Variants in DLG2 observed in about 807,000 individuals in gnomAD.
The protein encoded by DLG2 is discs large MAGUK scaffold protein 2.
DLG2 carries 45 observed loss-of-function variants against 132.5 expected under a neutral mutation model. That is an observed-to-expected ratio of 0.34 (90% CI 0.27 to 0.44). The LOEUF is 0.44. Ranked by LOEUF, DLG2 falls within the 20% of genes least tolerant of loss-of-function variation. The pLI is 1.00. For synonymous variants in DLG2, 424 were observed against 419.6 expected, an observed-to-expected ratio of 1.01 and a Z score of -0.13; for missense variants, 1,045 against 1,196.9, an observed-to-expected ratio of 0.87 and a Z score of 1.87.
chr11:84,169,146 G>A (rs1031227074), intron 8 of DLG2, among the ~76,000 whole-genome samples: 3 of 151,968 alleles, frequency 2.0e-5, no homozygotes, highest in African/African-American at 4.8e-5. Flanking sequence ...GTTCTTCCTC[G>A]TATGGTTATT....
chr11:84,051,035 G>A (rs12575693), intron 11 of DLG2, among the ~76,000 whole-genome samples: 15,793 of 151,690 alleles, frequency 0.1, 1,066 homozygotes, highest in African/African-American at 0.19. Flanking sequence ...GCTCATCATC[G>A]CTGGCCATCA....
intron 6 of DLG2, among the ~76,000 whole-genome samples, chr11:84,946,891 G>A (rs1364588215): frequency 1.3e-5 from 2 of 152,158 alleles, no homozygotes; most frequent in African/African-American, 4.8e-5. Flanking sequence ...CTCAGGTTCT[G>A]GCTGCTGAGA....
intron 19 of DLG2, among the ~76,000 whole-genome samples, chr11:83,560,396 G>A (rs1565805113): frequency 6.6e-6 from 1 of 152,170 alleles, no homozygotes; most frequent in Non-Finnish European, 1.5e-5. Context: ...GGGATTATAG[G>A]TGTGAGCCAC....
At chr11:84,741,220 C>T (rs1237368268) in intron 6 of DLG2, among the ~76,000 whole-genome samples, 1 of 151,946 alleles carries the variant, frequency 6.6e-6, no homozygotes, top group Non-Finnish European at 1.5e-5. Flanking sequence ...GCGCCCGCCA[C>T]TGCGCCTGGC....
chr11:85,414,457 G>C (rs570849813), intron 3 of DLG2, among the ~76,000 whole-genome samples: 2 of 151,882 alleles, frequency 1.3e-5, no homozygotes, highest in Non-Finnish European at 2.9e-5. Context: ...TGGTCTGAAA[G>C]AGTGCTTGAT....
chr11:85,069,394 A>G (rs1035704615), intron 6 of DLG2, among the ~76,000 whole-genome samples: 10 of 152,298 alleles, frequency 6.6e-5, no homozygotes, highest in Middle Eastern at 3.4e-3. Flanking sequence ...AATTTTTGCA[A>G]GCTACGCATC....
intron 6 of DLG2, among the ~76,000 whole-genome samples, chr11:84,868,822 T>C (rs1283001298): frequency 6.6e-6 from 1 of 152,208 alleles, no homozygotes; most frequent in Non-Finnish European, 1.5e-5. Context: ...TAAAATTTAC[T>C]AGCAAAATTT....
At chr11:85,036,452 C>G (rs1348785044) in intron 6 of DLG2, among the ~76,000 whole-genome samples, 1 of 152,114 alleles carries the variant, frequency 6.6e-6, no homozygotes, top group East Asian at 1.9e-4. Flanking sequence ...AAGAGAAGTA[C>G]TTAACATACT....
At chr11:84,504,773 A>G (rs2099233601) in intron 7 of DLG2, among the ~76,000 whole-genome samples, 1 of 152,122 alleles carries the variant, frequency 6.6e-6, no homozygotes, top group Non-Finnish European at 1.5e-5. Flanking sequence ...TGACAGTTTG[A>G]CCTTTAGCTG....
chr11:84,545,751 CT>C (rs35596423), intron 6 of DLG2: 33,374 of 106,516 alleles, frequency 0.31, 3,190 homozygotes, highest in Admixed American at 0.4. Context: ...AGGTGATGTT[CT>C]TTTTTTTTTT....
intron 19 of DLG2, among the ~76,000 whole-genome samples, chr11:83,593,367 C>A (rs2097221273): frequency 6.6e-6 from 1 of 151,216 alleles, no homozygotes; most frequent in South Asian, 2.1e-4. Context: ...AATTGGAAAT[C>A]ATCATTCTCA....
chr11:85,399,979 T>G (rs2087878819), intron 3 of DLG2, among the ~76,000 whole-genome samples: 1 of 151,742 alleles, frequency 6.6e-6, no homozygotes, highest in African/African-American at 2.4e-5. Flanking sequence ...GAAACTACCA[T>G]CAGAGTGAAC....
At chr11:83,749,482 T>C (rs914788293) in intron 18 of DLG2, among the ~76,000 whole-genome samples, 3 of 152,092 alleles carry the variant, frequency 2.0e-5, no homozygotes, top group Non-Finnish European at 4.4e-5. Flanking sequence ...CATTTGTCTC[T>C]CTCTTGGTTA....
chr11:85,424,188 C>G (rs1392641344), intron 3 of DLG2, among the ~76,000 whole-genome samples: 1 of 152,164 alleles, frequency 6.6e-6, no homozygotes, highest in Non-Finnish European at 1.5e-5. Flanking sequence ...TTCAGTTTCC[C>G]TAGCTGGGGG....
intron 6 of DLG2, among the ~76,000 whole-genome samples, chr11:84,646,159 G>C (rs2099674676): frequency 6.6e-6 from 1 of 152,182 alleles, no homozygotes; most frequent in African/African-American, 2.4e-5. Context: ...GCACTGGTTT[G>C]CAGTGGTTAA....
intron 21 of DLG2, among the ~76,000 whole-genome samples, chr11:83,496,194 A>G (rs1211373832): frequency 6.6e-6 from 1 of 150,760 alleles, no homozygotes; most frequent in Admixed American, 6.6e-5. Flanking sequence ...AGATATATAT[A>G]TATATATATA....
rs186717082 is a variant in DLG2, at chr11:84,498,238, A to G, written c.519+36332T>C. On this transcript the variant is annotated intron_variant, in intron 7 of 27. Coordinates refer to ENST00000376104, the MANE Select transcript of DLG2 (RefSeq NM_001142699.3). The stretch of plus-strand genomic sequence containing the variant: ...GGGCTAAATTCTCAGAAATGCCTAC[A>G]TTGTGTTTCTATTTTAATCCATGAT... 4.6e-5 allele frequency among the ~76,000 whole-genome samples: 7 copies of G among 152,308 alleles called. No individual in the cohort carries two copies. In the East Asian group the frequency reaches 7.7e-4, roughly 17 times the overall value.
At chr11:84,600,240 A>AAGAGAGAAAAGCAAGC (rs2099573840) in intron 6 of DLG2, among the ~76,000 whole-genome samples, 1 of 143,578 alleles carries the variant, frequency 7.0e-6, no homozygotes, top group Non-Finnish European at 1.5e-5. Context: ...GAAAGACAGA[A>AAGAGAGAAAAGCAAGC]AAGCAAGCAA....
At chr11:84,208,736 G>A (rs185979014) in intron 8 of DLG2, among the ~76,000 whole-genome samples, 18 of 152,286 alleles carry the variant, frequency 1.2e-4, no homozygotes, top group Admixed American at 1.1e-3. Context: ...AAAAGGAAGT[G>A]TACACTGTAC....
Sources: allele counts gnomAD v4.1 joint callset (sites outside exome capture counted in the v4.1 genomes callset), GRCh38; gene constraint gnomAD v4.1.1; transcripts MANE v1.5; gene names NCBI Gene and HGNC (gene_info 2026-07-23, HGNC 2026-07-21).